CNTLN: variants seen among roughly 807,000 people sequenced by gnomAD.
CNTLN encodes the protein centlein, also known as centlein, centrosomal protein.
CNTLN carries 212 observed loss-of-function variants against 180.0 expected under a neutral mutation model. That is an observed-to-expected ratio of 1.18 (90% CI 1.05 to 1.32). The LOEUF is 1.32. Ranked by LOEUF, CNTLN falls within the 40% of genes most tolerant of loss-of-function variation. The pLI is 0.00. For synonymous variants in CNTLN, 722 were observed against 563.1 expected, an observed-to-expected ratio of 1.28 and a Z score of -3.99; for missense variants, 2,095 against 1,610.9, an observed-to-expected ratio of 1.30 and a Z score of -5.14.
chr9:17,494,345 G>A (rs1833330947), intron 25 of CNTLN, among the ~76,000 whole-genome samples: 1 of 152,080 alleles, frequency 6.6e-6, no homozygotes, highest in South Asian at 2.1e-4. Flanking sequence ...CCCATAAGAT[G>A]ATAATGAAGC....
At chr9:17,309,667 C>T (rs1002105922) in intron 8 of CNTLN, among the ~76,000 whole-genome samples, 1 of 44,834 alleles carries the variant, frequency 2.2e-5, no homozygotes, top group South Asian at 4.5e-4. Flanking sequence ...TCTACCACTA[C>T]CTTGATAACA....
chr9:17,190,110 G>A (rs2151289), intron 2 of CNTLN, among the ~76,000 whole-genome samples: 29,853 of 148,890 alleles, frequency 0.2, 3,364 homozygotes, highest in African/African-American at 0.31. Flanking sequence ...ACCCAGAGCT[G>A]TTTGGGTCTC....
intron 25 of CNTLN, among the ~76,000 whole-genome samples, chr9:17,489,455 C>G (rs901349683): frequency 6.6e-6 from 1 of 151,772 alleles, no homozygotes; most frequent in Non-Finnish European, 1.5e-5. Context: ...CTTTTATGTC[C>G]TCTCTGTGTG....
At chr9:17,486,857 CT>C (rs1832915384) in intron 24 of CNTLN, 131 bp from the exon 25 acceptor site, 4 of 574,894 alleles carry the variant, frequency 7.0e-6, no homozygotes, top group Non-Finnish European at 1.2e-5. Flanking sequence ...AATATTTCTA[CT>C]TTGAGATGAC....
At chr9:17,337,458 A>G (rs1001693332) in intron 10 of CNTLN, among the ~76,000 whole-genome samples, 3 of 152,192 alleles carry the variant, frequency 2.0e-5, no homozygotes, top group African/African-American at 7.2e-5. Flanking sequence ...GGAAAGAGCC[A>G]CTTATTGAAA....
At position 17,330,366 on chromosome 9, in the gene CNTLN, G is replaced by A. The variant is rs753301585; in HGVS notation, c.1342-266G>A. Among the ~76,000 whole-genome samples the A allele has an allele frequency of 7.2e-5, 11 of 151,934 alleles. 1 individual carries two copies. The South Asian group carries it at 1.2e-3, about 17-fold the overall frequency. On this transcript the variant is annotated intron_variant, in intron 8 of 25. Coordinates refer to ENST00000380647, the MANE Select transcript of CNTLN (RefSeq NM_017738.4). ...ATAGATGAGTGGTGTGTATCATGCA[G>A]CCATGCTTTAAATTTTTTTCCTTGA...
intron 18 of CNTLN, among the ~76,000 whole-genome samples, chr9:17,440,904 A>C (rs1202521830): frequency 6.6e-6 from 1 of 152,210 alleles, no homozygotes; most frequent in African/African-American, 2.4e-5. Flanking sequence ...CCATAGACAG[A>C]AATTGGATTC....
intron 15 of CNTLN, among the ~76,000 whole-genome samples, chr9:17,408,261 G>C (rs918881394): frequency 6.6e-6 from 1 of 151,306 alleles, no homozygotes; most frequent in African/African-American, 2.4e-5. Context: ...TGTCTAAATA[G>C]TTAAAAGCTC....
At chr9:17,527,572 C>T in the CNTLN span, among the ~76,000 whole-genome samples, 2 of 152,038 alleles carry the variant, frequency 1.3e-5, no homozygotes, top group Admixed American at 6.6e-5. Flanking sequence ...GGAGTGGGTA[C>T]TTACAGATAA....
At chr9:17,475,540 AAGGG>A (rs1309189386) in intron 23 of CNTLN, among the ~76,000 whole-genome samples, 1 of 149,712 alleles carries the variant, frequency 6.7e-6, no homozygotes. Context: ...GGAAAGAAGG[AAGGG>A]AGGGAGGGAG....
At chr9:17,359,097 C>A (rs1823087768) in intron 12 of CNTLN, among the ~76,000 whole-genome samples, 1 of 151,512 alleles carries the variant, frequency 6.6e-6, no homozygotes, top group African/African-American at 2.4e-5. Flanking sequence ...CAGCTTGCTG[C>A]AGCCTCAACT....
chr9:17,326,436 T>C (rs551944720), intron 8 of CNTLN, among the ~76,000 whole-genome samples: 1 of 152,090 alleles, frequency 6.6e-6, no homozygotes, highest in Non-Finnish European at 1.5e-5. Flanking sequence ...GCTATACATG[T>C]AAAGCAGCCC....
chr9:17,337,557 TATTA>T (rs1177165879), intron 10 of CNTLN, among the ~76,000 whole-genome samples: 2 of 152,220 alleles, frequency 1.3e-5, no homozygotes, highest in African/African-American at 2.4e-5. Context: ...TCACTGCTTT[TATTA>T]ATTAAAGTGC....
intron 7 of CNTLN, among the ~76,000 whole-genome samples, chr9:17,307,756 A>G (rs948023393): frequency 6.6e-6 from 1 of 152,222 alleles, no homozygotes; most frequent in East Asian, 1.9e-4. Context: ...GCATACAGAA[A>G]TGTACACAAA....
rs764441185 is a variant in CNTLN, at chr9:17,143,272, C to G, written c.361-16C>G. On this transcript the variant is annotated splice_polypyrimidine_tract_variant and intron_variant, in intron 1 of 25. Coordinates refer to ENST00000380647, the MANE Select transcript of CNTLN (RefSeq NM_017738.4). ...CTACAAAGCAATGCATCTAAATTCTCTTTTATTTCTTTAAGGCTGATAAAG... is the reference window on the plus strand; with the variant it reads ...CTACAAAGCAATGCATCTAAATTCTGTTTTATTTCTTTAAGGCTGATAAAG... The G allele has an allele frequency of 6.3e-7, 1 of 1,590,054 alleles. No individual in the cohort carries two copies. The highest frequency in any genetic ancestry group is 8.6e-7 in the Non-Finnish European group (1 of 1,162,514).
At chr9:17,252,601 G>T (rs1563922519) in intron 5 of CNTLN, among the ~76,000 whole-genome samples, 1 of 151,536 alleles carries the variant, frequency 6.6e-6, no homozygotes, top group Non-Finnish European at 1.5e-5. Context: ...AAACTGTTGA[G>T]TTCTTTGAGT....
At chr9:17,268,680 T>G (rs1480867743) in intron 5 of CNTLN, among the ~76,000 whole-genome samples, 3 of 152,188 alleles carry the variant, frequency 2.0e-5, no homozygotes, top group Non-Finnish European at 4.4e-5. Flanking sequence ...GAGCTGTGGT[T>G]GGGCTCCACC....
chr9:17,191,275 A>G (rs567115904), intron 2 of CNTLN, among the ~76,000 whole-genome samples: 2 of 152,320 alleles, frequency 1.3e-5, no homozygotes, highest in South Asian at 4.1e-4. Context: ...TTATCACAGC[A>G]GTTGTTAAAT....
At chr9:17,274,865 A>G (rs1828210133) in intron 6 of CNTLN, among the ~76,000 whole-genome samples, 1 of 152,040 alleles carries the variant, frequency 6.6e-6, no homozygotes, top group Non-Finnish European at 1.5e-5. Context: ...GTAAATTTAA[A>G]TATGCCATTG....
Sources: gnomAD v4.1 joint callset for allele counts (sites outside exome capture counted in the v4.1 genomes callset) on GRCh38, gnomAD v4.1.1 for gene constraint, MANE v1.5 for transcripts, NCBI Gene and HGNC (gene_info 2026-07-23, HGNC 2026-07-21) for gene names.